The following RGS7 variants were observed in gnomAD, a reference collection of about 807,000 sequenced individuals.
The protein encoded by RGS7 is regulator of G-protein signaling 7.
RGS7 carries 27 observed loss-of-function variants against 81.1 expected under a neutral mutation model. The ratio of observed to expected loss-of-function variants is 0.33; its 90% CI spans 0.25 to 0.46. RGS7 has a LOEUF of 0.46. Ranked by LOEUF, RGS7 falls within the 20% of genes least tolerant of loss-of-function variation. The probability of loss-of-function intolerance (pLI) is 1.00; values close to 1 mark genes in which losing one functional copy is unlikely to be tolerated. For missense variants in RGS7, 396 were observed against 607.4 expected (o/e 0.65, Z 3.66); for synonymous variants, 208 against 207.7 (o/e 1.00, Z -0.01).
chr1:240,859,525 T>C (rs1231225862), intron 9 of RGS7, among the ~76,000 whole-genome samples: 14 of 150,906 alleles, frequency 9.3e-5, no homozygotes, highest in Admixed American at 9.3e-4. Context: ...ATTTCATTAT[T>C]ATGCTTTTAG....
chr1:241,231,505 C>T (rs376953475), intron 2 of RGS7, among the ~76,000 whole-genome samples: 33 of 150,956 alleles, frequency 2.2e-4, no homozygotes, highest in Middle Eastern at 3.4e-3. Flanking sequence ...TCTATAGGCA[C>T]GCACCACCAC....
intron 2 of RGS7, among the ~76,000 whole-genome samples, chr1:241,270,752 C>T (rs1171809412): frequency 3.8e-5 from 4 of 106,336 alleles, no homozygotes; most frequent in Non-Finnish European, 8.6e-5. Flanking sequence ...TAGAAATAAA[C>T]CCCCCCCCCT....
intron 2 of RGS7, among the ~76,000 whole-genome samples, chr1:241,352,666 T>C (rs2083320032): frequency 6.6e-6 from 1 of 152,220 alleles, no homozygotes; most frequent in Non-Finnish European, 1.5e-5. Context: ...TAGGGTGATA[T>C]CCACTCTACC....
At chr1:240,801,267 C>T (rs1286061452) in intron 17 of RGS7, among the ~76,000 whole-genome samples, 188 bp downstream of exon 17, 1 of 152,040 alleles carries the variant, frequency 6.6e-6, no homozygotes, top group Non-Finnish European at 1.5e-5. Flanking sequence ...TATATAACAT[C>T]TTTTTCTACT....
intron 2 of RGS7, among the ~76,000 whole-genome samples, chr1:241,170,726 G>A (rs1359330355): frequency 6.6e-6 from 1 of 152,162 alleles, no homozygotes; most frequent in African/African-American, 2.4e-5. Context: ...TTGCTGGGCA[G>A]TAGGAAAGAT....
At position 240,801,493 on chromosome 1, in the gene RGS7, C is replaced by T. The variant is rs141557672; in HGVS notation, c.1375G>A (p.Asp459Asn). Reference sequence around the variant, plus strand: ...AATTTTTCAAAAGATGTTCTGCGATCCATTGAGTTTCCAGACTTACGTATG... The same window carrying T: ...AATTTTTCAAAAGATGTTCTGCGATTCATTGAGTTTCCAGACTTACGTATG... ...QAKKKSGNSM[D>N]RRTSFEKFAQ... is the part of the protein sequence containing the mutation. The change falls in exon 17 of 19, where the codon GAT becomes AAT. Residue 459 changes from aspartate to asparagine, a missense_variant. Coordinates refer to ENST00000440928, the MANE Select transcript of RGS7 (RefSeq NM_001364886.1). 5.7e-4 allele frequency: 915 copies of T among 1,608,356 alleles called. 1 individual carries two copies. Among genetic ancestry groups the T allele is most frequent in the Non-Finnish European group, 7.3e-4 (862 of 1,175,384 alleles).
chr1:241,286,931 CT>C (rs1341011310), intron 2 of RGS7, among the ~76,000 whole-genome samples: 2 of 152,192 alleles, frequency 1.3e-5, no homozygotes, highest in Non-Finnish European at 2.9e-5. Flanking sequence ...TCTGAACATA[CT>C]TTTGTGAAAG....
chr1:241,206,812 G>A (rs2073915259), intron 2 of RGS7, among the ~76,000 whole-genome samples: 1 of 151,964 alleles, frequency 6.6e-6, no homozygotes. Context: ...CTTAGGCCAT[G>A]GGAACACCCA....
chr1:241,270,024 T>C (rs747469359), intron 2 of RGS7, among the ~76,000 whole-genome samples: 5 of 152,224 alleles, frequency 3.3e-5, no homozygotes, highest in Admixed American at 1.3e-4. Context: ...AGCAGATATA[T>C]GTTTTTAAGA....
At chr1:241,064,357 G>A (rs1359692376) in intron 3 of RGS7, among the ~76,000 whole-genome samples, 2 of 145,962 alleles carry the variant, frequency 1.4e-5, no homozygotes, top group East Asian at 2.1e-4. Flanking sequence ...AGGCCGAGGT[G>A]GGAGGATTGC....
chr1:241,328,925 A>T (rs1236253797), intron 2 of RGS7, among the ~76,000 whole-genome samples: 3 of 152,160 alleles, frequency 2.0e-5, no homozygotes, highest in Non-Finnish European at 4.4e-5. Flanking sequence ...TCTTCTCTGC[A>T]ATACCTATGC....
intron 2 of RGS7, among the ~76,000 whole-genome samples, chr1:241,130,400 T>C (rs1439244360): frequency 3.3e-5 from 5 of 151,656 alleles, no homozygotes; most frequent in African/African-American, 9.7e-5. Flanking sequence ...GATGGACCAT[T>C]GTTCATTTCC....
chr1:241,072,270 T>A (rs1406986607), intron 3 of RGS7, among the ~76,000 whole-genome samples: 1 of 152,214 alleles, frequency 6.6e-6, no homozygotes, highest in African/African-American at 2.4e-5. Flanking sequence ...TGGCGTTGCA[T>A]GCTCCCACAA....
chr1:241,013,116 G>A (rs1187659980), intron 3 of RGS7, among the ~76,000 whole-genome samples: 5 of 142,576 alleles, frequency 3.5e-5, no homozygotes, highest in Non-Finnish European at 7.5e-5. Flanking sequence ...AGGCTGGAAT[G>A]CAGTGGTGTG....
chr1:240,786,894 T>C (rs1478009756), intron 18 of RGS7, among the ~76,000 whole-genome samples: 1 of 152,174 alleles, frequency 6.6e-6, no homozygotes, highest in Non-Finnish European at 1.5e-5. Context: ...AATTATATAA[T>C]GCAACAAATA....
At chr1:241,148,723 G>A (rs1252931768) in intron 2 of RGS7, among the ~76,000 whole-genome samples, 1 of 152,208 alleles carries the variant, frequency 6.6e-6, no homozygotes, top group African/African-American at 2.4e-5. Flanking sequence ...TTGTAAAGAT[G>A]TGAAAATGCA....
chr1:241,207,892 G>A (rs547394758), intron 2 of RGS7, among the ~76,000 whole-genome samples: 1 of 152,234 alleles, frequency 6.6e-6, no homozygotes, highest in Non-Finnish European at 1.5e-5. Flanking sequence ...GGGTTGTGTG[G>A]AGAAATGCTG....
intron 14 of RGS7, among the ~76,000 whole-genome samples, chr1:240,810,728 C>T (rs370694150): frequency 3.3e-5 from 5 of 152,300 alleles, no homozygotes; most frequent in South Asian, 4.1e-4. Context: ...GGATTATAGG[C>T]GTGAGCCCTC....
intron 2 of RGS7, among the ~76,000 whole-genome samples, chr1:241,155,734 A>T (rs2069076545): frequency 6.6e-6 from 1 of 152,184 alleles, no homozygotes; most frequent in Non-Finnish European, 1.5e-5. Flanking sequence ...AGAAAAAAAA[A>T]ATATGGAAAA....
Sources: gnomAD v4.1 joint callset for allele counts (sites outside exome capture counted in the v4.1 genomes callset) on GRCh38, gnomAD v4.1.1 for gene constraint, MANE v1.5 for transcripts, NCBI Gene and HGNC (gene_info 2026-07-23, HGNC 2026-07-21) for gene names.